The following ADCY5 variants were observed in gnomAD, a reference collection of about 807,000 sequenced individuals.
ADCY5 encodes the protein adenylate cyclase 5.
ADCY5 carries 30 observed loss-of-function variants against 119.7 expected under a neutral mutation model. The observed-to-expected ratio is 0.25, with a 90% CI of 0.19 to 0.34. The LOEUF (loss-of-function observed/expected upper bound fraction) is 0.34. Ranked by LOEUF, ADCY5 falls within the 10% of genes least tolerant of loss-of-function variation. The pLI is 1.00. For missense variants in ADCY5, 1,324 were observed against 1,775.2 expected, an observed-to-expected ratio of 0.75 and a Z score of 4.57; for synonymous variants, 753 against 762.2, an observed-to-expected ratio of 0.99 and a Z score of 0.20.
chr3:123,342,274 T>G (rs533351738), intron 3 of ADCY5, among the ~76,000 whole-genome samples: 1 of 152,136 alleles, frequency 6.6e-6, no homozygotes, highest in Non-Finnish European at 1.5e-5. Flanking sequence ...GCGTGGTCAT[T>G]ATAATTCAGA....
chr3:123,308,028 C>CTTTTTTTTTTTTTTT (rs1178147327), intron 12 of ADCY5, among the ~76,000 whole-genome samples: 2 of 85,658 alleles, frequency 2.3e-5, no homozygotes, highest in Non-Finnish European at 4.2e-5. Flanking sequence ...TTTTCATGCT[C>CTTTTTTTTTTTTTTT]TTTTTTTTTT....
chr3:123,411,887 C>T (rs1319308111), intron 1 of ADCY5, among the ~76,000 whole-genome samples: 1 of 152,204 alleles, frequency 6.6e-6, no homozygotes, highest in Non-Finnish European at 1.5e-5. Context: ...CCCTGTCACC[C>T]ATCCCCTGCC....
intron 1 of ADCY5, among the ~76,000 whole-genome samples, chr3:123,356,707 T>C (rs1237488538): frequency 6.6e-6 from 1 of 152,178 alleles, no homozygotes; most frequent in East Asian, 1.9e-4. Flanking sequence ...TAACAAGTAC[T>C]GGTGAGAATG....
chr3:123,316,697 A>T (rs1940927621), intron 11 of ADCY5, among the ~76,000 whole-genome samples: 1 of 152,248 alleles, frequency 6.6e-6, no homozygotes, highest in Non-Finnish European at 1.5e-5. Flanking sequence ...ATAAACTAAA[A>T]GTAGAAGACA....
chr3:123,398,687 G>A (rs562096182), intron 1 of ADCY5, among the ~76,000 whole-genome samples: 18 of 152,138 alleles, frequency 1.2e-4, no homozygotes, highest in Non-Finnish European at 2.2e-4. Flanking sequence ...TTCAAGTCAC[G>A]TACATCTCCT....
At chr3:123,327,105 G>A (rs1483323816) in intron 7 of ADCY5, among the ~76,000 whole-genome samples, 5 of 152,208 alleles carry the variant, frequency 3.3e-5, no homozygotes, top group African/African-American at 1.2e-4. Flanking sequence ...ACTGAAGTCT[G>A]CTAATAATTT....
intron 15 of ADCY5, among the ~76,000 whole-genome samples, chr3:123,297,683 G>T (rs1939604608): frequency 6.6e-6 from 1 of 152,174 alleles, no homozygotes; most frequent in Non-Finnish European, 1.5e-5. Context: ...CCCCTCCCAG[G>T]CCTTTGCTGC....
intron 19 of ADCY5, among the ~76,000 whole-genome samples, chr3:123,287,334 C>A (rs1421811984): frequency 6.6e-6 from 1 of 152,222 alleles, no homozygotes. Context: ...CTTTCCCAAT[C>A]TCACCCAAGG....
At chr3:123,419,786 G>A (rs1576684835) in intron 1 of ADCY5, among the ~76,000 whole-genome samples, 2 of 151,938 alleles carry the variant, frequency 1.3e-5, no homozygotes, top group Non-Finnish European at 2.9e-5. Flanking sequence ...CCTTCCCTGG[G>A]CTCTCCCCCA....
chr3:123,382,739 G>T (rs1944072998), intron 1 of ADCY5, among the ~76,000 whole-genome samples: 1 of 152,162 alleles, frequency 6.6e-6, no homozygotes, highest in South Asian at 2.1e-4. Flanking sequence ...GATTAGAGAT[G>T]ACCAAAGGCT....
chr3:123,391,221 C>G (rs1663153448), intron 1 of ADCY5, among the ~76,000 whole-genome samples: 1 of 152,116 alleles, frequency 6.6e-6, no homozygotes, highest in Non-Finnish European at 1.5e-5. Flanking sequence ...GTGTGTGGGT[C>G]TGGGGTAAGG....
At chr3:123,418,051 C>T (rs922854151) in intron 1 of ADCY5, among the ~76,000 whole-genome samples, 11 of 152,172 alleles carry the variant, frequency 7.2e-5, no homozygotes, top group African/African-American at 2.7e-4. Context: ...AGCCACTGTG[C>T]CCCATCAGCA....
chr3:123,392,623 C>T (rs1359687002), intron 1 of ADCY5, among the ~76,000 whole-genome samples: 2 of 152,282 alleles, frequency 1.3e-5, no homozygotes, highest in East Asian at 3.9e-4. Context: ...TGAATCCAGG[C>T]CCTCGGTCCC....
intron 3 of ADCY5, among the ~76,000 whole-genome samples, chr3:123,344,296 T>G (rs1942424048): frequency 6.6e-6 from 1 of 152,200 alleles, no homozygotes; most frequent in Non-Finnish European, 1.5e-5. Context: ...AGAGAATTGA[T>G]GAATGTGACT....
chr3:123,310,001 G>A (rs769510648), intron 12 of ADCY5, among the ~76,000 whole-genome samples: 23 of 151,930 alleles, frequency 1.5e-4, no homozygotes, highest in Admixed American at 3.3e-4. Flanking sequence ...GGAGGCTCTG[G>A]TCACAGATCC....
At chr3:123,334,081 C>T (rs1024144727) in intron 3 of ADCY5, among the ~76,000 whole-genome samples, 10 of 152,152 alleles carry the variant, frequency 6.6e-5, no homozygotes, top group Non-Finnish European at 1.5e-5. Flanking sequence ...GTCCCCAGGA[C>T]CAGAATCTGT....
rs181203384 is a variant in ADCY5, at chr3:123,306,790, C to T, written c.2443-2607G>A. On this transcript the variant is annotated intron_variant, in intron 12 of 20. Coordinates refer to ENST00000462833, the MANE Select transcript of ADCY5 (RefSeq NM_183357.3). ...CAGGGACTTGCACAGATAATTTGTA[C>T]GCCCATGTTCACAGCTGTATTCTTC... Among the ~76,000 whole-genome samples the T allele has an allele frequency of 2.2e-3, 337 of 152,286 alleles. 1 individual carries two copies. The highest frequency in any genetic ancestry group is 4.8e-3 in the South Asian group (23 of 4,816).
chr3:123,338,804 C>T (rs1189890218), intron 3 of ADCY5, among the ~76,000 whole-genome samples: 1 of 152,234 alleles, frequency 6.6e-6, no homozygotes, highest in Non-Finnish European at 1.5e-5. Context: ...TTCCAAACCA[C>T]GTGCACTTTT....
intron 3 of ADCY5, among the ~76,000 whole-genome samples, chr3:123,342,973 C>T (rs1262138158): frequency 6.6e-6 from 1 of 152,236 alleles, no homozygotes; most frequent in East Asian, 1.9e-4. Flanking sequence ...CTCACCTCAG[C>T]TCCCAGCAGC....
Sources: allele counts gnomAD v4.1 joint callset (sites outside exome capture counted in the v4.1 genomes callset), GRCh38; gene constraint gnomAD v4.1.1; transcripts MANE v1.5; gene names NCBI Gene and HGNC (gene_info 2026-07-23, HGNC 2026-07-21).